The following ULK1 variants were observed in gnomAD, a reference collection of about 807,000 sequenced individuals.
ULK1 encodes unc-51 like autophagy activating kinase 1.
Under a neutral mutation model 117.5 loss-of-function variants are expected in ULK1, and 48 were observed. The observed-to-expected ratio is 0.41, with a 90% CI of 0.32 to 0.52. The LOEUF is 0.52. ULK1 is among the 20% of genes least tolerant of loss of function. The pLI, the probability that ULK1 is intolerant of heterozygous loss-of-function variation, is 0.29. For synonymous variants in ULK1, 790 were observed against 637.8 expected (o/e 1.24, Z -3.60); for missense variants, 1,387 against 1,473.4 (o/e 0.94, Z 0.96).
chr12:131,894,966 C>G lies in ULK1; in HGVS notation c.-36C>G. The G allele has an allele frequency of 9.4e-7, 1 of 1,063,294 alleles. No homozygotes were observed. Among genetic ancestry groups the G allele is most frequent in the Non-Finnish European group, 1.2e-6 (1 of 852,978 alleles). The allele number at this position is 1,063,294 out of a possible 1,614,324, so 65.9% of individuals were successfully genotyped here. Reference sequence around the variant, plus strand: ...CCTGAGTCCCCCGCGCCTTGGCCCGCCACCCCCCGCCCCGCGCCCCCGGCC... The same window carrying G: ...CCTGAGTCCCCCGCGCCTTGGCCCGGCACCCCCCGCCCCGCGCCCCCGGCC... On this transcript the variant is annotated 5_prime_UTR_variant, in exon 1 of 28. Coordinates refer to ENST00000321867, the MANE Select transcript of ULK1 (RefSeq NM_003565.4).
intron 14 of ULK1, 118 bp downstream of exon 14, chr12:131,913,376 A>C: frequency 9.1e-7 from 1 of 1,102,830 alleles, no homozygotes; most frequent in East Asian, 3.1e-5. Flanking sequence ...TGGGTGACAG[A>C]GCGAGACTCT....
chr12:131,899,546 A>G (rs1304261697), intron 3 of ULK1, among the ~76,000 whole-genome samples: 1 of 151,656 alleles, frequency 6.6e-6, no homozygotes, highest in African/African-American at 2.4e-5. Flanking sequence ...GCTGGAGTGC[A>G]GTGGCATAAT....
At position 131,917,341 on chromosome 12, in the gene ULK1, C is replaced by G. The variant is rs879095363; in HGVS notation, c.2183-70C>G. ...GAGGCCGTGGGATGGGGGTCGGGTT[C>G]GGCTCGGAGGCTGTGGGATGGGGGT... On this transcript the variant is annotated intron_variant, in intron 21 of 27. Coordinates refer to ENST00000321867, the MANE Select transcript of ULK1 (RefSeq NM_003565.4). 9.8e-4 allele frequency: 905 copies of G among 921,478 alleles called. 22 individuals carry two copies. The East Asian group carries it at 0.013, about 13-fold the overall frequency. The allele number at this position is 921,478 out of a possible 1,614,324, so 57.1% of individuals were successfully genotyped here.
At chr12:131,920,906 G>T (rs1349399208) in intron 26 of ULK1, 194 bp from the exon 27 acceptor site, 1 of 759,332 alleles carries the variant, frequency 1.3e-6, no homozygotes, top group East Asian at 2.7e-5. Context: ...GGGTCATCTG[G>T]TTCCAGGCAG....
At chr12:131,907,197 T>G (rs893351931) in intron 4 of ULK1, among the ~76,000 whole-genome samples, 1 of 152,070 alleles carries the variant, frequency 6.6e-6, no homozygotes, top group African/African-American at 2.4e-5. Context: ...TTTTTATACT[T>G]TTAGTAGAGA....
At chr12:131,895,372 C>T (rs944439125) in intron 1 of ULK1, among the ~76,000 whole-genome samples, 2 of 151,470 alleles carry the variant, frequency 1.3e-5, no homozygotes, top group African/African-American at 2.4e-5. Flanking sequence ...ACTTTCCTGT[C>T]CAAACCCTCA....
At chr12:131,900,642 C>CT (rs1329659521) in intron 3 of ULK1, among the ~76,000 whole-genome samples, 1 of 152,222 alleles carries the variant, frequency 6.6e-6, no homozygotes, top group Admixed American at 6.5e-5. Context: ...TGGTGGCCCC[C>CT]CTGGCCAGCA....
Position 131,915,917 on chromosome 12 carries a change from C to T in ULK1, c.1636C>T (p.Arg546Cys), listed in dbSNP as rs200272214. The T allele has an allele frequency of 7.4e-5, 120 of 1,611,954 alleles. No individual in the cohort carries two copies. The highest frequency in any genetic ancestry group is 3.5e-4 in the African/African-American group (26 of 75,030). ...PGSSAPEHSPRTSGLGCRLHS... is the reference protein window; with the variant it reads ...PGSSAPEHSPCTSGLGCRLHS... ...CTCCTCTGCACCCGAGCACTCTCCC[C>T]GCACTTCCGGGCTGGGCTGCCGCCT... is the stretch of plus-strand genomic sequence containing the variant. Residue 546 changes from arginine (R) to cysteine (C), a missense_variant, in exon 19 of 28, where the codon CGC (arginine) becomes TGC (cysteine). Transcript: ENST00000321867.
intron 9 of ULK1, 29 bp from the exon 10 acceptor site, chr12:131,909,890 C>A: frequency 3.1e-6 from 5 of 1,611,300 alleles, no homozygotes; most frequent in Non-Finnish European, 3.4e-6. Flanking sequence ...CCCGCAGGCC[C>A]TGCTCACACC....
rs1232655255 is a variant in ULK1 at position 131,894,656 on chromosome 12, C to T, written c.-346C>T. The T allele has an allele frequency of 6.6e-6, 1 of 151,424 alleles. No homozygotes were observed. Among genetic ancestry groups the T allele is most frequent in the Admixed American group, 6.6e-5 (1 of 15,222 alleles). 9.4% of individuals were successfully genotyped at this position (151,424 alleles called of 1,614,324 possible). The stretch of plus-strand genomic sequence containing the variant: ...GCGCGGGCGTCTCAGGCTCTGAGGC[C>T]CGGGCGCCGCGGCTCTTTTGTTTCT... On this transcript the variant is annotated 5_prime_UTR_variant, in exon 1 of 28. Coordinates refer to ENST00000321867, the MANE Select transcript of ULK1 (RefSeq NM_003565.4).
intron 4 of ULK1, 106 bp downstream of exon 4, chr12:131,907,030 T>G: frequency 6.7e-7 from 1 of 1,493,766 alleles, no homozygotes; most frequent in South Asian, 1.2e-5. Context: ...ACCTTTTCTT[T>G]TTTTTTGAGA....
intron 3 of ULK1, 97 bp downstream of exon 3, chr12:131,895,921 A>C: frequency 6.6e-7 from 1 of 1,525,464 alleles, no homozygotes. Flanking sequence ...GAGCCTGTCC[A>C]GGCTGGGGTC....
rs1889298482 is a variant in ULK1 at position 131,906,897 on chromosome 12, G to A, written c.252G>A (p.Met84Ile). The change falls in exon 4 of 28, where the codon ATG becomes ATA. Residue 84 changes from methionine to isoleucine, a missense_variant. By Grantham distance (10) the Met-to-Ile change is conservative. This residue lies in a region of ULK1 where 224 missense variants were observed against 325.2 expected (regional missense o/e 0.69). Coordinates refer to ENST00000321867, the MANE Select transcript of ULK1 (RefSeq NM_003565.4). ...NIVALYDFQE[M>I]ANSVYLVMEY... Reference sequence around the variant, plus strand: ...GCCTCTTTTCTGTCTTGCAGGAAATGGCTAATTCTGTCTACCTGGTTATGG... The same window carrying A: ...GCCTCTTTTCTGTCTTGCAGGAAATAGCTAATTCTGTCTACCTGGTTATGG... 1.9e-6 allele frequency: 3 copies of A among 1,614,006 alleles called. No individual in the cohort carries two copies. The highest frequency in any genetic ancestry group is 2.5e-6 in the Non-Finnish European group (3 of 1,180,032).
intron 5 of ULK1, 47 bp from the exon 6 acceptor site, chr12:131,908,597 G>C (rs998890592): frequency 7.0e-7 from 1 of 1,434,750 alleles, no homozygotes; most frequent in South Asian, 1.5e-5. Flanking sequence ...ACTCACCCCT[G>C]GGGGAGGAAA....
At chr12:131,919,653 C>T (rs565193335) in intron 25 of ULK1, 63 bp downstream of exon 25, 3 of 1,546,990 alleles carry the variant, frequency 1.9e-6, no homozygotes, top group Non-Finnish European at 8.8e-7. Flanking sequence ...TTGCAACTGC[C>T]TGGGTGACAG....
intron 7 of ULK1, 81 bp downstream of exon 7, chr12:131,909,052 T>G: frequency 6.2e-7 from 1 of 1,609,594 alleles, no homozygotes; most frequent in Non-Finnish European, 8.5e-7. Flanking sequence ...TGGTGCGCTC[T>G]GCTCTGGTTG....
In ULK1 at chr12:131,916,571, C is replaced by A; in HGVS notation, c.2052C>A (p.Asp684Glu). The change falls in exon 20 of 28, where the codon GAC (aspartate) becomes GAA (glutamate). Residue 684 changes from aspartate to glutamate, a missense_variant. By Grantham distance (45) the Asp-to-Glu change is conservative (BLOSUM62 2). Coordinates refer to ENST00000321867, the MANE Select transcript of ULK1 (RefSeq NM_003565.4). ...PLGPGLRPGEDPKGPFGRSFS... is the reference protein window; with the variant it reads ...PLGPGLRPGEEPKGPFGRSFS... The stretch of plus-strand genomic sequence containing the variant: ...GCCCTGGCCTGCGGCCAGGCGAGGA[C>A]CCCAAGGGCCCCTTTGGCCGGTGAG... 6.3e-7 allele frequency: 1 copy of A among 1,585,106 alleles called. No individual in the cohort carries two copies.
At chr12:131,918,836 G>A (rs866387305) in intron 23 of ULK1, among the ~76,000 whole-genome samples, 155 bp downstream of exon 23, 3 of 106,984 alleles carry the variant, frequency 2.8e-5, no homozygotes, top group Non-Finnish European at 4.4e-5. Context: ...TGTGTGGGGT[G>A]TGGGGTGTCG....
In ULK1 at chr12:131,915,947, A is replaced by G; in HGVS notation, c.1666A>G (p.Ser556Gly). ...TTCCGGGCTGGGCTGCCGCCTGCAC[A>G]GCGCCCCCAACCTGTCTGACTTGCA... Reference protein sequence around the residue: ...RTSGLGCRLHSAPNLSDLHVV... With the variant: ...RTSGLGCRLHGAPNLSDLHVV... Residue 556 changes from serine to glycine, a missense_variant, in exon 19 of 28, where the codon AGC (serine) becomes GGC (glycine). Transcript: ENST00000321867. 6.2e-7 allele frequency: 1 copy of G among 1,612,372 alleles called. No homozygotes were observed. Among genetic ancestry groups the G allele is most frequent in the Non-Finnish European group, 8.5e-7 (1 of 1,179,796 alleles).
Sources: gnomAD v4.1 joint callset for allele counts (sites outside exome capture counted in the v4.1 genomes callset) on GRCh38, gnomAD v4.1.1 for gene constraint, gnomAD v4.1.1 regional missense constraint, MANE v1.5 for transcripts, NCBI Gene and HGNC (gene_info 2026-07-23, HGNC 2026-07-21) for gene names.